The following FAM120B variants were observed in gnomAD, a reference collection of about 807,000 sequenced individuals.
FAM120B encodes constitutive coactivator of peroxisome proliferator-activated receptor gamma.
FAM120B carries 83 observed loss-of-function variants against 96.3 expected under a neutral mutation model. The observed-to-expected ratio is 0.86, with a 90% confidence interval of 0.72 to 1.03. The LOEUF is 1.03. FAM120B is among the 50% of genes least tolerant of loss of function. The pLI is 0.00. For synonymous variants in FAM120B, 407 were observed against 402.7 expected, an observed-to-expected ratio of 1.01 and a Z score of -0.13; for missense variants, 1,027 against 1,121.2, an observed-to-expected ratio of 0.92 and a Z score of 1.20.
chr6:170,397,428 G>C (rs1185450252), intron 9 of FAM120B, among the ~76,000 whole-genome samples: 1 of 152,142 alleles, frequency 6.6e-6, no homozygotes, highest in East Asian at 1.9e-4. Flanking sequence ...GCCAGATTTG[G>C]GGGCAGAGGG....
intron 5 of FAM120B, among the ~76,000 whole-genome samples, chr6:170,355,261 G>A (rs1446134804): frequency 1.3e-5 from 2 of 152,306 alleles, no homozygotes; most frequent in East Asian, 3.9e-4. Flanking sequence ...AAAGATACAT[G>A]CATGAGTATG....
chr6:170,297,165 A>C (rs1309767995), intron 1 of FAM120B, among the ~76,000 whole-genome samples: 2 of 152,208 alleles, frequency 1.3e-5, no homozygotes, highest in Non-Finnish European at 2.9e-5. Flanking sequence ...GTCTGGCTGC[A>C]GGGTTGGTTG....
At chr6:170,399,729 A>G (rs1326102243) in intron 9 of FAM120B, among the ~76,000 whole-genome samples, 37 of 148,592 alleles carry the variant, frequency 2.5e-4, no homozygotes, top group African/African-American at 8.8e-4. Context: ...AGGTAGAACT[A>G]TGTCATAACT....
upstream of FAM120B, among the ~76,000 whole-genome samples, chr6:170,294,433 A>G (rs1002076693): frequency 6.6e-6 from 1 of 152,090 alleles, no homozygotes; most frequent in African/African-American, 2.4e-5. This position sits in a 1 kb window ranked among gnomAD's most constrained non-coding sequence, Gnocchi z 7.9. Context: ...GAGTAACCCC[A>G]GTGTCTAGGG....
intron 3 of FAM120B, among the ~76,000 whole-genome samples, chr6:170,329,375 A>T (rs1331393870): frequency 2.0e-5 from 3 of 152,218 alleles, no homozygotes; most frequent in African/African-American, 7.2e-5. Context: ...ATTGTCCGTC[A>T]CATGAATGCA....
intron 4 of FAM120B, 138 bp from the exon 5 acceptor site, chr6:170,348,013 C>T: frequency 1.5e-6 from 1 of 661,166 alleles, no homozygotes; most frequent in Non-Finnish European, 2.4e-6. Context: ...AATCACTAAT[C>T]TGATCATGTT....
At position 170,318,999 on chromosome 6, in the gene FAM120B, G is replaced by A; in HGVS notation, c.1609G>A (p.Asp537Asn). Residue 537 changes from aspartate to asparagine, a missense_variant, in exon 2 of 11, where the codon GAT (aspartate) becomes AAT (asparagine). Coordinates refer to ENST00000476287, the MANE Select transcript of FAM120B (RefSeq NM_032448.3). ...CAATCAAAAATTACCTGTAGCAACAGATTTTGAATTTAAGCTAGAAGCTCT... is the reference window on the plus strand; with the variant it reads ...CAATCAAAAATTACCTGTAGCAACAAATTTTGAATTTAAGCTAGAAGCTCT... ...EINQKLPVAT[D>N]FEFKLEALMC... The A allele has an allele frequency of 6.2e-7, 1 of 1,614,156 alleles. No homozygotes were observed. The highest frequency in any genetic ancestry group is 2.2e-5 in the East Asian group (1 of 44,880).
At chr6:170,291,679 G>A (rs975337765), upstream of FAM120B, among the ~76,000 whole-genome samples, 1 of 152,160 alleles carries the variant, frequency 6.6e-6, no homozygotes, top group African/African-American at 2.4e-5. Flanking sequence ...ACTGAGCCTC[G>A]GGGAGTGCAG....
chr6:170,329,039 G>A (rs1342625836), intron 3 of FAM120B, among the ~76,000 whole-genome samples: 1 of 152,222 alleles, frequency 6.6e-6, no homozygotes, highest in Non-Finnish European at 1.5e-5. Context: ...GGTGGTGGAA[G>A]CTCCACTGTC....
At chr6:170,345,476 A>G (rs1228744844) in intron 4 of FAM120B, among the ~76,000 whole-genome samples, 1 of 152,056 alleles carries the variant, frequency 6.6e-6, no homozygotes, top group East Asian at 1.9e-4. Flanking sequence ...AAACCTTCGC[A>G]CTCTTGTAAT....
At chr6:170,373,368 G>A (rs980275893) in intron 6 of FAM120B, among the ~76,000 whole-genome samples, 6 of 152,168 alleles carry the variant, frequency 3.9e-5, no homozygotes, top group Non-Finnish European at 8.8e-5. Context: ...TAGACCTGGG[G>A]CCAACCCTCT....
Position 170,405,078 on chromosome 6 carries a change from AT to A in FAM120B, c.*329del. 6.3e-6 allele frequency: 1 copy of A among 157,958 alleles called. No individual in the cohort carries two copies. Among genetic ancestry groups the A allele is most frequent in the South Asian group, 1.9e-4 (1 of 5,216 alleles). The allele number at this position is 157,958 out of a possible 1,614,324, so 9.8% of individuals were successfully genotyped here. A position where few individuals can be genotyped will look rare whatever the true frequency, so the allele number is the denominator to read the frequency against. On this transcript the variant is annotated 3_prime_UTR_variant, in exon 11 of 11. Transcript: ENST00000476287. ...TTTAAAATAAATGGGAATCTGTTGT[AT>A]TCTGATTTTTTATTAGCAACACTAG...
chr6:170,309,803 C>A (rs190060453), intron 1 of FAM120B, among the ~76,000 whole-genome samples: 147 of 152,300 alleles, frequency 9.7e-4, no homozygotes, highest in African/African-American at 3.4e-3. Flanking sequence ...CCATTAAGCA[C>A]CAAAATATCC....
rs559874237 is a variant in FAM120B, at chr6:170,370,942, T to C, written c.2283+12624T>C. Among the ~76,000 whole-genome samples the C allele has an allele frequency of 9.2e-5, 14 of 152,030 alleles. No individual in the cohort carries two copies. Among genetic ancestry groups the C allele is most frequent in the African/African-American group, 3.1e-4 (13 of 41,450 alleles). ...AGCCACCACCCCACCAAGCAAGAAA[T>C]GGTGTATATATATCTCAATACGGAT... On this transcript the variant is annotated intron_variant, in intron 6 of 10. Transcript: ENST00000476287. This position sits in a 1 kb window ranked among gnomAD's most constrained non-coding sequence, Gnocchi z 4.3.
At chr6:170,365,728 C>G (rs1470366074) in intron 6 of FAM120B, among the ~76,000 whole-genome samples, 1 of 151,646 alleles carries the variant, frequency 6.6e-6, no homozygotes, top group Admixed American at 6.6e-5. Context: ...CCCCCTCCCC[C>G]CTGCCAGGCT....
rs747221521 is a variant in FAM120B, at chr6:170,317,438, T to A, written c.48T>A (p.His16Gln). 7 of 1,614,098 alleles carry A rather than the reference T, an allele frequency of 4.3e-6. No homozygotes were observed. In the South Asian group the frequency reaches 6.6e-5, roughly 15 times the overall value. The change falls in exon 2 of 11, where the codon CAT becomes CAA. Residue 16 changes from histidine to glutamine, a missense_variant. His to Gln is a conservative substitution (Grantham distance 24, BLOSUM62 0). This residue lies in a region of FAM120B where 880 missense variants were observed against 980.9 expected (regional missense o/e 0.90). Transcript: ENST00000476287. ...GATTTGTGGGAAGTACCTGCCCACATATATGTACAGTAGTAAATTTCAAAG... is the reference window on the plus strand; with the variant it reads ...GATTTGTGGGAAGTACCTGCCCACAAATATGTACAGTAGTAAATTTCAAAG... ...LQGFVGSTCP[H>Q]ICTVVNFKEL...
At chr6:170,339,276 T>G (rs1221503171) in intron 4 of FAM120B, among the ~76,000 whole-genome samples, 1 of 152,164 alleles carries the variant, frequency 6.6e-6, no homozygotes, top group Non-Finnish European at 1.5e-5. Flanking sequence ...GTGAAACTTA[T>G]TTGGCTGGAT....
In FAM120B at chr6:170,368,012, A is replaced by G. The variant is rs534875501; in HGVS notation, c.2283+9694A>G. Among the ~76,000 whole-genome samples the G allele has an allele frequency of 1.2e-4, 19 of 152,316 alleles. 1 individual carries two copies. The highest frequency in any genetic ancestry group is 3.9e-4 in the African/African-American group (16 of 41,558). On this transcript the variant is annotated intron_variant, in intron 6 of 10. Coordinates refer to ENST00000476287, the MANE Select transcript of FAM120B (RefSeq NM_032448.3). ...TCAAGTGCCTTTTTAAGATGAAGTC[A>G]TGTTTCCAGTTGACATAATAATTGT...
In FAM120B at chr6:170,406,253, G is replaced by A. The variant is rs984887897; in HGVS notation, c.*1502G>A. On this transcript the variant is annotated 3_prime_UTR_variant, in exon 11 of 11. Transcript: ENST00000476287. ...CACCTGAGAAAGGAGAAGAAAAGCT[G>A]GTGGTGACCCCTGCTCCTGCTGGGC... The A allele has an allele frequency of 6.6e-6, 1 of 152,240 alleles. No individual in the cohort carries two copies. Among genetic ancestry groups the A allele is most frequent in the Non-Finnish European group, 1.5e-5 (1 of 68,068 alleles). 9.4% of individuals were successfully genotyped at this position (152,240 alleles called of 1,614,324 possible).
Sources: allele counts gnomAD v4.1 joint callset (sites outside exome capture counted in the v4.1 genomes callset), GRCh38; gene constraint gnomAD v4.1.1; regional missense constraint gnomAD v4.1.1; non-coding constraint Gnocchi (gnomAD v3.1); transcripts MANE v1.5; gene names NCBI Gene and HGNC (gene_info 2026-07-23, HGNC 2026-07-21).